SNRK: variants seen among roughly 807,000 people sequenced by gnomAD.
The protein encoded by SNRK is SNF-related serine/threonine-protein kinase.
In SNRK, 3 loss-of-function variants were observed where a neutral mutation model predicts 48.2. The ratio of observed to expected loss-of-function variants is 0.06; its 90% CI spans 0.03 to 0.16. The LOEUF (loss-of-function observed/expected upper bound fraction) is 0.16, where lower values mean the gene tolerates loss of function less well. Among genes scored for constraint, SNRK ranks in the 10% least tolerant of loss-of-function variants. The pLI is 1.00. For synonymous variants in SNRK, 376 were observed against 366.1 expected (o/e 1.03, Z -0.31); for missense variants, 627 against 976.0 (o/e 0.64, Z 4.76).
intron 3 of SNRK, among the ~76,000 whole-genome samples, chr3:43,308,553 C>A (rs1253217776): frequency 6.6e-6 from 1 of 152,172 alleles, no homozygotes; most frequent in Non-Finnish European, 1.5e-5. Context: ...ATAAATGGAA[C>A]AACAAAGCCT....
intron 2 of SNRK, among the ~76,000 whole-genome samples, chr3:43,300,659 A>G (rs1186628316): frequency 1.3e-5 from 2 of 150,356 alleles, no homozygotes; most frequent in Non-Finnish European, 1.5e-5. Context: ...CCAAATTAAA[A>G]TTTCTTTTGG....
chr3:43,307,091 T>A (rs968155307), intron 3 of SNRK, among the ~76,000 whole-genome samples: 3 of 152,200 alleles, frequency 2.0e-5, no homozygotes, highest in Non-Finnish European at 2.9e-5. Flanking sequence ...GTTTTTATTC[T>A]GACCTGTCAT....
chr3:43,329,781 C>T (rs1265875609), intron 3 of SNRK, among the ~76,000 whole-genome samples: 1 of 152,150 alleles, frequency 6.6e-6, no homozygotes, highest in African/African-American at 2.4e-5. Flanking sequence ...TTGGACAAAT[C>T]ATCCTGAAGA....
intron 1 of SNRK, among the ~76,000 whole-genome samples, chr3:43,288,490 A>G (rs549417917): frequency 6.6e-6 from 1 of 152,358 alleles, no homozygotes; most frequent in African/African-American, 2.4e-5. Context: ...CCTTATTAAA[A>G]TTGAAGGGCT....
At chr3:43,326,724 C>A (rs1211451263) in intron 3 of SNRK, among the ~76,000 whole-genome samples, 1 of 151,938 alleles carries the variant, frequency 6.6e-6, no homozygotes, top group Non-Finnish European at 1.5e-5. Flanking sequence ...TTAGACTGTA[C>A]CCACCAGGGT....
intron 3 of SNRK, among the ~76,000 whole-genome samples, chr3:43,331,389 G>A (rs761774468): frequency 3.9e-5 from 6 of 152,238 alleles, no homozygotes; most frequent in East Asian, 1.9e-4. Flanking sequence ...GTCAGAGTTC[G>A]TCTAATGCTA....
intron 3 of SNRK, among the ~76,000 whole-genome samples, chr3:43,324,142 C>A (rs916869581): frequency 6.6e-6 from 1 of 152,172 alleles, no homozygotes; most frequent in Non-Finnish European, 1.5e-5. Context: ...TATAATTTTA[C>A]CTAATAGGCT....
chr3:43,332,235 A>G lies in SNRK; in HGVS notation c.656A>G (p.Asn219Ser), dbSNP rs559568271. 5.6e-6 allele frequency: 9 copies of G among 1,602,474 alleles called. No homozygotes were observed. Among genetic ancestry groups the G allele is most frequent in the African/African-American group, 2.7e-5 (2 of 74,772 alleles). ...GGGCAGCCGCCCTTTCAAGAAGCCA[A>G]TGACAGTGAAACACTGACAATGATC... ...VCGQPPFQEA[N>S]DSETLTMIMD... The change falls in exon 4 of 7, where the codon AAT becomes AGT. Residue 219 changes from asparagine to serine, a missense_variant. Asn to Ser is a conservative substitution (Grantham distance 46). Transcript: ENST00000296088.
chr3:43,328,200 T>A (rs1381947838), intron 3 of SNRK, among the ~76,000 whole-genome samples: 1 of 151,806 alleles, frequency 6.6e-6, no homozygotes, highest in Non-Finnish European at 1.5e-5. Context: ...TTCGCTCCAT[T>A]ACACCCCCAT....
At chr3:43,343,265 A>G in intron 5 of SNRK, 79 bp from the exon 6 acceptor site, 1 of 1,483,144 alleles carries the variant, frequency 6.7e-7, no homozygotes, top group Admixed American at 2.5e-5. Context: ...ACTTGCTTGT[A>G]CTTTTAAAAA....
intron 3 of SNRK, among the ~76,000 whole-genome samples, chr3:43,315,953 T>G (rs1451307227): frequency 1.3e-5 from 2 of 152,144 alleles, no homozygotes; most frequent in Non-Finnish European, 2.9e-5. Flanking sequence ...CTTCCTGAAA[T>G]TTCACACGCC....
intron 4 of SNRK, among the ~76,000 whole-genome samples, chr3:43,334,394 G>C (rs372113565): frequency 2.4e-4 from 37 of 151,842 alleles, no homozygotes; most frequent in African/African-American, 8.5e-4. Context: ...CTAGAGGGTC[G>C]AGGATACGGT....
intron 4 of SNRK, among the ~76,000 whole-genome samples, chr3:43,337,585 A>T (rs946210482): frequency 2.9e-4 from 44 of 151,744 alleles, no homozygotes; most frequent in African/African-American, 1.1e-3. Context: ...ATTTTTTTGT[A>T]GAGATGGTGT....
At chr3:43,293,350 A>G (rs2090828066) in intron 1 of SNRK, among the ~76,000 whole-genome samples, 1 of 152,166 alleles carries the variant, frequency 6.6e-6, no homozygotes, top group South Asian at 2.1e-4. Context: ...TAGGCATTAG[A>G]TAGTATAGTA....
intron 6 of SNRK, among the ~76,000 whole-genome samples, chr3:43,344,710 C>G (rs898938856): frequency 1.3e-5 from 2 of 152,042 alleles, no homozygotes; most frequent in African/African-American, 4.8e-5. Context: ...TAGAAGAGGA[C>G]TGAACCCAGG....
chr3:43,336,026 A>T (rs1214184946), intron 4 of SNRK, among the ~76,000 whole-genome samples: 1 of 151,592 alleles, frequency 6.6e-6, no homozygotes, highest in Non-Finnish European at 1.5e-5. Context: ...TTAAATGGAG[A>T]GTTTATTCCA....
At chr3:43,338,758 TTTG>T (rs1206611114) in intron 4 of SNRK, among the ~76,000 whole-genome samples, 6 of 152,332 alleles carry the variant, frequency 3.9e-5, no homozygotes, top group African/African-American at 7.2e-5. Flanking sequence ...GTTTATTGAT[TTTG>T]TTTTTAGTTA....
intron 6 of SNRK, among the ~76,000 whole-genome samples, chr3:43,344,408 T>A (rs2125648328): frequency 6.6e-6 from 1 of 152,356 alleles, no homozygotes; most frequent in South Asian, 2.1e-4. Flanking sequence ...AATCTGTGTG[T>A]ACCTCCAAGT....
chr3:43,329,877 T>A (rs918884326), intron 3 of SNRK, among the ~76,000 whole-genome samples: 1 of 152,182 alleles, frequency 6.6e-6, no homozygotes, highest in Non-Finnish European at 1.5e-5. Context: ...CAAATAAGAA[T>A]GTTGGGTAAT....
Sources: gnomAD v4.1 joint callset for allele counts (sites outside exome capture counted in the v4.1 genomes callset) on GRCh38, gnomAD v4.1.1 for gene constraint, MANE v1.5 for transcripts, NCBI Gene and HGNC (gene_info 2026-07-23, HGNC 2026-07-21) for gene names.